FGF13: variants seen among roughly 807,000 people sequenced by gnomAD.
FGF13 encodes fibroblast growth factor 13, also known as fibroblast growth factor homologous factor 2.
Under a neutral mutation model 19.5 loss-of-function variants are expected in FGF13, and 2 were observed. The observed-to-expected ratio is 0.10, with a 90% CI of 0.04 to 0.32. FGF13 has a LOEUF of 0.32. FGF13 is among the 10% of genes least tolerant of loss of function. The probability of loss-of-function intolerance (pLI) is 1.00; values close to 1 mark genes in which losing one functional copy is unlikely to be tolerated. For synonymous variants in FGF13, 72 were observed against 76.9 expected (o/e 0.94, Z 0.33); for missense variants, 113 against 192.7 (o/e 0.59, Z 2.45).
intron 1 of FGF13, among the ~76,000 whole-genome samples, chrX:138,908,863 T>C (rs1173296566): frequency 8.9e-6 from 1 of 112,328 alleles, no homozygotes; most frequent in East Asian, 2.8e-4. Context: ...TCCTAACATC[T>C]GCCTTCAGCT....
At chrX:139,037,861 C>A (rs773174712) in intron 1 of FGF13, among the ~76,000 whole-genome samples, 4 of 111,878 alleles carry the variant, frequency 3.6e-5, no homozygotes, top group Non-Finnish European at 7.5e-5. Context: ...TTCAGCCTAG[C>A]ACAATTATAT....
At chrX:138,711,781 A>G, upstream of FGF13, 3 of 586,495 alleles carry the variant, frequency 5.1e-6, no homozygotes, top group Non-Finnish European at 6.1e-6. Flanking sequence ...GTAGGCTCGG[A>G]GCCGCAGGCC....
chrX:138,780,717 G>C (rs1413328267), intron 3 of FGF13, among the ~76,000 whole-genome samples: 3 of 108,490 alleles, frequency 2.8e-5, no homozygotes, highest in Non-Finnish European at 5.7e-5. Flanking sequence ...TTAGTAATGG[G>C]AGACTTTAAC....
At chrX:139,085,164 G>A (rs1442781272) in intron 1 of FGF13, among the ~76,000 whole-genome samples, 1 of 111,636 alleles carries the variant, frequency 9.0e-6, no homozygotes, top group Admixed American at 9.5e-5. Context: ...TAACTGGTGC[G>A]GAATCTAAAT....
At chrX:138,820,798 T>A (rs2090994909) in intron 3 of FGF13, among the ~76,000 whole-genome samples, 1 of 110,968 alleles carries the variant, frequency 9.0e-6, no homozygotes, top group South Asian at 3.8e-4. Flanking sequence ...AGTGCAAAAT[T>A]TGGGAGACAT....
In FGF13 at chrX:138,710,853, G is replaced by C. The variant is rs1488814153; in HGVS notation, c.151C>G (p.Leu51Val). The C allele has an allele frequency of 7.4e-6, 9 of 1,212,300 alleles. No homozygotes were observed. The highest frequency in any genetic ancestry group is 1.0e-5 in the Non-Finnish European group (9 of 895,610). Reference sequence around the variant, plus strand: ...CTGCGCCTCTTCTTGGAGCCGAAGAGTTTGACCCGGGAAAAGACATTTAAC... The same window carrying C: ...CTGCGCCTCTTCTTGGAGCCGAAGACTTTGACCCGGGAAAAGACATTTAAC... ...NKLNVFSRVK[L>V]FGSKKRRRRR... The change falls in exon 1 of 5, where the codon CTC becomes GTC. Residue 51 changes from leucine to valine, a missense_variant. Around this residue, in one of 4 missense-constraint regions of FGF13, gnomAD observed 51 missense variants for 78.5 expected, o/e 0.65. Transcript: ENST00000315930.
chrX:138,624,525 G>T lies in FGF13; in HGVS notation c.*8325C>A, dbSNP rs183720542. 209 of 112,216 alleles carry T rather than the reference G, an allele frequency of 1.9e-3. 1 individual carries two copies. The highest frequency in any genetic ancestry group is 6.6e-3 in the African/African-American group (203 of 30,929). The allele number at this position is 112,216 out of a possible 1,213,427, so 9.2% of individuals were successfully genotyped here. A position where few individuals can be genotyped will look rare whatever the true frequency, so the allele number is the denominator to read the frequency against. ...GGTCTTGGCAATAACTTTTTTGGCT[G>T]TAACACCAAAAGCACATGCAACAAA... On this transcript the variant is annotated 3_prime_UTR_variant, in exon 5 of 5. Transcript: ENST00000315930.
intron 1 of FGF13, among the ~76,000 whole-genome samples, chrX:139,068,254 G>A (rs367764241): frequency 0.094 from 8,045 of 85,547 alleles, 881 homozygotes; most frequent in African/African-American, 0.22. Context: ...TCCTTTCCCC[G>A]TTGCTTGTTT....
upstream of FGF13, chrX:139,204,106 A>G: frequency 8.3e-7 from 1 of 1,210,332 alleles, no homozygotes; most frequent in Non-Finnish European, 1.1e-6. Context: ...CTTTCCACTC[A>G]TAGATCCCAG....
intron 1 of FGF13, among the ~76,000 whole-genome samples, chrX:139,039,680 T>C (rs2092262771): frequency 9.0e-6 from 1 of 111,448 alleles, no homozygotes; most frequent in South Asian, 3.8e-4. Flanking sequence ...CCCCTGGCTA[T>C]TTAAGAGATT....
intron 1 of FGF13, among the ~76,000 whole-genome samples, chrX:138,940,117 T>C (rs1388466146): frequency 2.7e-5 from 3 of 111,591 alleles, no homozygotes; most frequent in Non-Finnish European, 3.8e-5. Context: ...CCATTCTTAC[T>C]AGTGTGAGAT....
intron 1 of FGF13, among the ~76,000 whole-genome samples, chrX:138,728,238 A>G (rs572802179): frequency 9.0e-6 from 1 of 111,378 alleles, no homozygotes; most frequent in South Asian, 3.8e-4. Flanking sequence ...CCAGAGTTTC[A>G]GAGTGGAATC....
intron 3 of FGF13, among the ~76,000 whole-genome samples, chrX:138,680,728 T>C (rs1219498766): frequency 9.0e-6 from 1 of 111,527 alleles, no homozygotes; most frequent in Non-Finnish European, 1.9e-5. Flanking sequence ...ATTTTTGGAA[T>C]GGTAAATGAG....
rs1488060001 is a variant in FGF13, at chrX:139,129,178, CACAT to C, written c.-113+74234_-113+74237del. On this transcript the variant is annotated intron_variant, in intron 1 of 2. Transcript: ENST00000421460. ...ATACACACACACACACACACACACA[CACAT>C]GTGTGTGTGTGTAATTTATGTAATT... Among the ~76,000 whole-genome samples the C allele has an allele frequency of 2.5e-3, 183 of 72,113 alleles. 2 individuals carry two copies. Among genetic ancestry groups the C allele is most frequent in the Non-Finnish European group, 3.5e-3 (118 of 33,765 alleles). 62.6% of individuals were successfully genotyped at this position (72,113 alleles called of 115,157 possible). A position where few individuals can be genotyped will look rare whatever the true frequency, so the allele number is the denominator to read the frequency against.
At chrX:138,855,543 A>G (rs972101448), downstream of FGF13, among the ~76,000 whole-genome samples, 16 of 111,901 alleles carry the variant, frequency 1.4e-4, no homozygotes, top group African/African-American at 3.9e-4. Context: ...AAAATCTCCA[A>G]TCTGAAAGAA....
chrX:138,781,465 T>C (rs1238151715), intron 3 of FGF13, among the ~76,000 whole-genome samples: 2 of 107,762 alleles, frequency 1.9e-5, no homozygotes, highest in African/African-American at 3.4e-5. Flanking sequence ...ATAGACACAA[T>C]AAAAAATGAT....
intron 1 of FGF13, among the ~76,000 whole-genome samples, chrX:138,878,019 G>C (rs771103157): frequency 9.0e-6 from 1 of 111,631 alleles, no homozygotes; most frequent in East Asian, 2.8e-4. Context: ...ATTGTCCACA[G>C]TGACTGTACC....
chrX:139,036,511 C>T (rs184635199), intron 1 of FGF13, among the ~76,000 whole-genome samples: 1 of 111,352 alleles, frequency 9.0e-6, no homozygotes, highest in East Asian at 2.9e-4. Flanking sequence ...AATAGATGAG[C>T]ATAGAGCTTC....
At chrX:138,887,977 A>G (rs758886896) in intron 1 of FGF13, among the ~76,000 whole-genome samples, 14 of 111,585 alleles carry the variant, frequency 1.3e-4, no homozygotes, top group Non-Finnish European at 2.3e-4. Context: ...CTCTCCTCAG[A>G]GCTTCTCCTG....
Sources: gnomAD v4.1 joint callset for allele counts (sites outside exome capture counted in the v4.1 genomes callset) on GRCh38, gnomAD v4.1.1 for gene constraint, gnomAD v4.1.1 regional missense constraint, MANE v1.5 for transcripts, NCBI Gene and HGNC (gene_info 2026-07-23, HGNC 2026-07-21) for gene names.